Variants in EPB41L2 observed in about 807,000 individuals in gnomAD.
EPB41L2 encodes the protein erythrocyte membrane protein band 4.1 like 2.
Under a neutral mutation model 113.0 loss-of-function variants are expected in EPB41L2, and 43 were observed. That is an observed-to-expected ratio of 0.38 (90% CI 0.30 to 0.49). EPB41L2 has a LOEUF of 0.49. Ranked by LOEUF, EPB41L2 falls within the 20% of genes least tolerant of loss-of-function variation. EPB41L2 has a pLI of 0.95. For synonymous variants in EPB41L2, 442 were observed against 436.7 expected (o/e 1.01, Z -0.15); for missense variants, 1,147 against 1,223.4 (o/e 0.94, Z 0.93).
At chr6:130,896,605 G>A (rs1261211952) in intron 8 of EPB41L2, among the ~76,000 whole-genome samples, 1 of 152,172 alleles carries the variant, frequency 6.6e-6, no homozygotes, top group East Asian at 1.9e-4. Flanking sequence ...ACACAACGCA[G>A]ATTCAAGTAA....
chr6:130,956,166 A>T lies in EPB41L2; in HGVS notation c.320T>A (p.Val107Asp). Residue 107 changes from valine (V) to aspartate (D), a missense_variant, in exon 2 of 20, where the codon GTT (valine) becomes GAT (aspartate). Coordinates refer to ENST00000337057, the MANE Select transcript of EPB41L2 (RefSeq NM_001431.4). ...CTCTTTATCTAAGACCTGTTCTTCA[A>T]CAACAGCTTGGGTAGGCTCTTTTTT... ...GDKKEPTQAVVEEQVLDKEEP... is the reference protein window; with the variant it reads ...GDKKEPTQAVDEEQVLDKEEP... The T allele has an allele frequency of 6.2e-7, 1 of 1,614,156 alleles. No individual in the cohort carries two copies. Among genetic ancestry groups the T allele is most frequent in the South Asian group, 1.1e-5 (1 of 91,082 alleles).
intron 4 of EPB41L2, among the ~76,000 whole-genome samples, chr6:130,913,169 T>TA (rs1799939791): frequency 6.6e-6 from 1 of 152,180 alleles, no homozygotes; most frequent in Admixed American, 6.5e-5. Context: ...TAGGGCATGG[T>TA]AAGAGTCAGC....
chr6:130,841,789 T>C (rs778685746), intron 19 of EPB41L2, among the ~76,000 whole-genome samples: 1 of 152,118 alleles, frequency 6.6e-6, no homozygotes, highest in Non-Finnish European at 1.5e-5. Flanking sequence ...GGATATAGAT[T>C]TGGGCATCAG....
At chr6:130,938,117 A>G (rs753130233) in intron 3 of EPB41L2, among the ~76,000 whole-genome samples, 2 of 152,264 alleles carry the variant, frequency 1.3e-5, no homozygotes, top group East Asian at 1.9e-4. Context: ...AGAGGGAGAT[A>G]GGACGTGACA....
intron 1 of EPB41L2, among the ~76,000 whole-genome samples, chr6:131,008,693 T>C (rs768508585): frequency 2.0e-5 from 3 of 152,214 alleles, no homozygotes; most frequent in Non-Finnish European, 4.4e-5. Flanking sequence ...CCCAAGGCCA[T>C]GGGAGCCCAA....
At chr6:130,880,054 A>G in intron 13 of EPB41L2, 90 bp downstream of exon 13, 2 of 931,500 alleles carry the variant, frequency 2.1e-6, no homozygotes, top group Non-Finnish European at 3.4e-6. Context: ...CCGTGCTTGA[A>G]GAACATTGCC....
At chr6:131,034,875 A>T (rs747548554) in intron 1 of EPB41L2, among the ~76,000 whole-genome samples, 6 of 152,200 alleles carry the variant, frequency 3.9e-5, no homozygotes, top group Admixed American at 6.5e-5. Flanking sequence ...ACAAGACTAA[A>T]CTTAAATCCT....
chr6:130,974,865 C>G (rs1777836955), intron 1 of EPB41L2, among the ~76,000 whole-genome samples: 1 of 151,688 alleles, frequency 6.6e-6, no homozygotes, highest in African/African-American at 2.4e-5. Context: ...TCAAGCGATT[C>G]TCCTGCCTCA....
At chr6:130,954,936 G>A (rs924864133) in intron 3 of EPB41L2, among the ~76,000 whole-genome samples, 169 bp downstream of exon 3, 1 of 152,164 alleles carries the variant, frequency 6.6e-6, no homozygotes, top group Admixed American at 6.5e-5. Context: ...CTTATCCCAA[G>A]GTCATGAAAT....
intron 1 of EPB41L2, among the ~76,000 whole-genome samples, chr6:130,997,620 G>A (rs765208147): frequency 2.0e-5 from 3 of 152,130 alleles, no homozygotes; most frequent in South Asian, 2.1e-4. Flanking sequence ...AGCACAAGGC[G>A]GACAGGGACG....
intron 1 of EPB41L2, among the ~76,000 whole-genome samples, chr6:131,016,219 C>A (rs113097155): frequency 2.6e-5 from 4 of 152,102 alleles, no homozygotes; most frequent in African/African-American, 7.2e-5. Context: ...TCTGTTATAC[C>A]TTTTCCAGCA....
chr6:130,978,586 A>T (rs938047289), intron 1 of EPB41L2: 1 of 152,248 alleles, frequency 6.6e-6, no homozygotes, highest in Non-Finnish European at 1.5e-5. Context: ...AATATCTAAT[A>T]TCAAGCCATT....
intron 1 of EPB41L2, among the ~76,000 whole-genome samples, chr6:131,022,119 G>T (rs1420927219): frequency 1.3e-5 from 2 of 152,166 alleles, no homozygotes; most frequent in East Asian, 3.9e-4. Context: ...TCACGGGGGT[G>T]ATGGGAGACC....
chr6:130,935,909 A>G (rs1367939676), intron 3 of EPB41L2, among the ~76,000 whole-genome samples: 1 of 152,194 alleles, frequency 6.6e-6, no homozygotes, highest in Non-Finnish European at 1.5e-5. Flanking sequence ...ACAAACCCAA[A>G]GCCAACCTCT....
chr6:131,013,460 G>C (rs1188193109), intron 1 of EPB41L2: 1 of 151,866 alleles, frequency 6.6e-6, no homozygotes, highest in Non-Finnish European at 1.5e-5. Context: ...ATCCAAATCA[G>C]CTAAAATACC....
At chr6:131,057,261 C>T (rs1797779086) in intron 1 of EPB41L2, among the ~76,000 whole-genome samples, 1 of 152,152 alleles carries the variant, frequency 6.6e-6, no homozygotes. Flanking sequence ...TGCACACACA[C>T]AGGAGTGCAT....
At chr6:130,957,953 A>G (rs1818016072) in intron 1 of EPB41L2, among the ~76,000 whole-genome samples, 1 of 152,252 alleles carries the variant, frequency 6.6e-6, no homozygotes, top group African/African-American at 2.4e-5. Flanking sequence ...ATTTTGTGAT[A>G]TGTAAATTTT....
chr6:130,858,005 A>C, intron 19 of EPB41L2, 126 bp downstream of exon 19: 1 of 753,160 alleles, frequency 1.3e-6, no homozygotes, highest in Non-Finnish European at 2.3e-6. Flanking sequence ...GGATGATAAC[A>C]GTCTAGAAAG....
intron 1 of EPB41L2, among the ~76,000 whole-genome samples, chr6:130,993,764 G>A (rs1199487578): frequency 2.0e-5 from 3 of 152,136 alleles, no homozygotes; most frequent in Admixed American, 6.6e-5. Context: ...CAGGCCCTGG[G>A]GAGAATCTTT....
Sources: gnomAD v4.1 joint callset for allele counts (sites outside exome capture counted in the v4.1 genomes callset) on GRCh38, gnomAD v4.1.1 for gene constraint, MANE v1.5 for transcripts, NCBI Gene and HGNC (gene_info 2026-07-23, HGNC 2026-07-21) for gene names.